The following RFC3 variants were observed in gnomAD, a reference collection of about 807,000 sequenced individuals.
RFC3 encodes A1 38 kDa subunit.
In RFC3, 41 loss-of-function variants were observed where a neutral mutation model predicts 45.1. The observed-to-expected ratio is 0.91, with a 90% CI of 0.71 to 1.18. The LOEUF is 1.18. RFC3 is among the 50% of genes most tolerant of loss of function. The pLI, the probability that RFC3 is intolerant of heterozygous loss-of-function variation, is 0.00. For missense variants in RFC3, 423 were observed against 428.1 expected (o/e 0.99, Z 0.10); for synonymous variants, 149 against 144.0 (o/e 1.03, Z -0.25).
chr13:33,901,834 C>T (rs2137671199), intron 8 of RFC3, among the ~76,000 whole-genome samples: 1 of 151,940 alleles, frequency 6.6e-6, no homozygotes, highest in East Asian at 2.0e-4. Context: ...AATAAAAACA[C>T]ATAAAAATAA....
chr13:33,940,162 T>C lies in RFC3; in HGVS notation c.880-25925T>C, dbSNP rs2082914154. Among the ~76,000 whole-genome samples the C allele has an allele frequency of 3.3e-5, 5 of 152,330 alleles. No homozygotes were observed. The South Asian group carries it at 1.0e-3, about 32-fold the overall frequency. On this transcript the variant is annotated intron_variant, in intron 8 of 8. Coordinates refer to the RFC3 transcript ENST00000434425. Reference sequence around the variant, plus strand: ...TTGAATTTTTATCTAAATTCCTAAATTGAATTCTTACATCATTAATTTTGA... The same window carrying C: ...TTGAATTTTTATCTAAATTCCTAAACTGAATTCTTACATCATTAATTTTGA...
chr13:33,831,948 C>G (rs1331566517), intron 7 of RFC3, among the ~76,000 whole-genome samples: 1 of 152,138 alleles, frequency 6.6e-6, no homozygotes, highest in Non-Finnish European at 1.5e-5. Flanking sequence ...TTATAGATGA[C>G]CATGCGTTCT....
At chr13:33,907,391 C>G (rs191237536) in intron 8 of RFC3, among the ~76,000 whole-genome samples, 3 of 151,802 alleles carry the variant, frequency 2.0e-5, no homozygotes, top group African/African-American at 7.3e-5. Flanking sequence ...ATTTTATTAC[C>G]CCATTATTAC....
chr13:33,915,908 C>T (rs906963535), intron 8 of RFC3, among the ~76,000 whole-genome samples: 1 of 152,114 alleles, frequency 6.6e-6, no homozygotes, highest in African/African-American at 2.4e-5. Flanking sequence ...AAGTGATTCT[C>T]ACGCCTCAGC....
chr13:33,961,937 T>G (rs2083059760), intron 8 of RFC3, among the ~76,000 whole-genome samples: 2 of 152,158 alleles, frequency 1.3e-5, no homozygotes, highest in Admixed American at 6.5e-5. Context: ...TCTGTAAGAA[T>G]TTTAGCAAAA....
At chr13:33,977,249 G>A in the RFC3 span, among the ~76,000 whole-genome samples, 1 of 152,144 alleles carries the variant, frequency 6.6e-6, no homozygotes, top group Non-Finnish European at 1.5e-5. Context: ...TTCATTAACT[G>A]CGGTCTATCT....
intron 8 of RFC3, among the ~76,000 whole-genome samples, chr13:33,906,987 C>T (rs1034309315): frequency 6.6e-6 from 1 of 152,120 alleles, no homozygotes; most frequent in Non-Finnish European, 1.5e-5. Flanking sequence ...TGCTACCATG[C>T]GTGGCTAATT....
intron 8 of RFC3, among the ~76,000 whole-genome samples, chr13:33,885,577 T>C (rs546348891): frequency 9.8e-5 from 15 of 152,316 alleles, no homozygotes; most frequent in Non-Finnish European, 2.1e-4. Flanking sequence ...CCTCTGCAAA[T>C]AAAAATTAAG....
chr13:33,908,326 A>C (rs1215208483), intron 8 of RFC3, among the ~76,000 whole-genome samples: 1 of 151,986 alleles, frequency 6.6e-6, no homozygotes, highest in East Asian at 1.9e-4. Context: ...GGAGCCATAG[A>C]GTAGGCTTTT....
intron 8 of RFC3, among the ~76,000 whole-genome samples, chr13:33,843,705 T>A (rs1054402525): frequency 6.6e-6 from 1 of 152,210 alleles, no homozygotes; most frequent in Non-Finnish European, 1.5e-5. Flanking sequence ...AGAAACTGGA[T>A]CCAGCTGATC....
chr13:33,847,544 A>G (rs1362330526), intron 8 of RFC3: 1 of 151,942 alleles, frequency 6.6e-6, no homozygotes, highest in Non-Finnish European at 1.5e-5. Context: ...AGAAGCAGAA[A>G]TTCCATCTCA....
rs988470103 is a variant in RFC3 at position 33,896,471 on chromosome 13, C to T, written c.879+61254C>T. ...AGGTTTGGTGGCTCATGCCTGTAATCCTGGCACTTTGGGAGGCCAAGAAGG... is the reference window on the plus strand; with the variant it reads ...AGGTTTGGTGGCTCATGCCTGTAATTCTGGCACTTTGGGAGGCCAAGAAGG... On this transcript the variant is annotated intron_variant, in intron 8 of 8. Transcript: ENST00000434425. Among the ~76,000 whole-genome samples, 13 of 151,670 alleles carry T rather than the reference C, an allele frequency of 8.6e-5. No homozygotes were observed. The East Asian group carries it at 2.5e-3, about 29-fold the overall frequency.
chr13:33,928,144 G>A (rs1477503798), intron 8 of RFC3, among the ~76,000 whole-genome samples: 1 of 152,034 alleles, frequency 6.6e-6, no homozygotes, highest in Non-Finnish European at 1.5e-5. Flanking sequence ...TTGAATGCAG[G>A]CAGTGTCAGG....
intron 8 of RFC3, among the ~76,000 whole-genome samples, chr13:33,869,212 T>A (rs760133590): frequency 6.6e-6 from 1 of 152,180 alleles, no homozygotes; most frequent in Non-Finnish European, 1.5e-5. Context: ...GCTGATTGAG[T>A]TAATGACACA....
intron 8 of RFC3, among the ~76,000 whole-genome samples, chr13:33,894,917 A>G (rs2082588010): frequency 2.0e-5 from 3 of 152,170 alleles, no homozygotes; most frequent in Admixed American, 1.3e-4. Context: ...AAGGACACCT[A>G]TTCAATGAAT....
chr13:33,873,462 G>T (rs2082425660), intron 8 of RFC3, among the ~76,000 whole-genome samples: 1 of 152,144 alleles, frequency 6.6e-6, no homozygotes, highest in African/African-American at 2.4e-5. Flanking sequence ...TATTATACCA[G>T]AAATTTCTGT....
At chr13:33,895,806 C>T (rs2082594028) in intron 8 of RFC3, among the ~76,000 whole-genome samples, 1 of 152,048 alleles carries the variant, frequency 6.6e-6, no homozygotes, top group Non-Finnish European at 1.5e-5. Context: ...ATATGCACAC[C>T]ATAGAATACT....
At chr13:33,818,689 G>A (rs2081971860) in intron 1 of RFC3, among the ~76,000 whole-genome samples, 2 of 152,194 alleles carry the variant, frequency 1.3e-5, no homozygotes, top group African/African-American at 4.8e-5. Context: ...TGCAGACCCA[G>A]TCAGTCTCAG....
chr13:33,841,683 T>C (rs1593628692), downstream of RFC3, among the ~76,000 whole-genome samples: 1 of 152,240 alleles, frequency 6.6e-6, no homozygotes, highest in Non-Finnish European at 1.5e-5. Flanking sequence ...CATAGGGGTC[T>C]ATGCCCTTAA....
Sources: gnomAD v4.1 joint callset for allele counts (sites outside exome capture counted in the v4.1 genomes callset) on GRCh38, gnomAD v4.1.1 for gene constraint, MANE v1.5 for transcripts, NCBI Gene and HGNC (gene_info 2026-07-23, HGNC 2026-07-21) for gene names.